PHF14: variants seen among roughly 807,000 people sequenced by gnomAD.
PHF14 encodes PHD finger protein 14.
PHF14 carries 55 observed loss-of-function variants against 117.9 expected under a neutral mutation model. That is an observed-to-expected ratio of 0.47 (90% CI 0.38 to 0.58). PHF14 has a LOEUF of 0.58. PHF14 is among the 20% of genes least tolerant of loss of function. PHF14 has a pLI of 0.00. For synonymous variants in PHF14, 409 were observed against 368.6 expected (o/e 1.11, Z -1.26); for missense variants, 978 against 1,122.2 (o/e 0.87, Z 1.84).
chr7:11,089,873 C>T (rs949235295), intron 16 of PHF14, among the ~76,000 whole-genome samples: 6 of 149,680 alleles, frequency 4.0e-5, no homozygotes, highest in Admixed American at 6.8e-5. Flanking sequence ...TGGCTTCAAG[C>T]GATTCTCCTG....
rs1302523526 is a variant in PHF14, at chr7:11,130,080, CAG to C, written c.2772+18616_2772+18617del. 1.2e-4 allele frequency among the ~76,000 whole-genome samples: 18 copies of C among 151,280 alleles called. 1 individual carries two copies. In the East Asian group the frequency reaches 3.5e-3, roughly 29 times the overall value. On this transcript the variant is annotated intron_variant, in intron 17 of 17. Coordinates refer to ENST00000634607, the MANE Select transcript of PHF14 (RefSeq NM_001007157.2). This position sits in a 1 kb window ranked among gnomAD's most constrained non-coding sequence, Gnocchi z 4.2. ...CATGTAACGTATCAGTACAGGTTGA[CAG>C]AGCAGCTCTGCTCATTATAGTCACT...
At chr7:11,133,249 T>C (rs908313923) in intron 17 of PHF14, among the ~76,000 whole-genome samples, 13 of 151,766 alleles carry the variant, frequency 8.6e-5, no homozygotes, top group African/African-American at 2.9e-4. Flanking sequence ...ATAGCCAACA[T>C]AATATTAAAG....
chr7:11,105,838 G>A, intron 16 of PHF14: 1 of 984,562 alleles, frequency 1.0e-6, no homozygotes, highest in Non-Finnish European at 1.2e-6. Flanking sequence ...AATAAAATGA[G>A]ATTGACACCC....
intron 17 of PHF14, among the ~76,000 whole-genome samples, chr7:11,153,939 C>CTGTGTGTGTGTGTGTGTGTGTG (rs975709011): frequency 4.5e-4 from 63 of 138,530 alleles, no homozygotes; most frequent in African/African-American, 1.7e-3. Context: ...TGGTCCCTGT[C>CTGTGTGTGTGTGTGTGTGTGTG]TGTGTGTGCG....
chr7:10,974,773 C>G lies in PHF14; in HGVS notation c.2-62C>G, dbSNP rs1468996042. ...GGTCATCTTTATGTTCTCTTAGCAC[C>G]ACAACTCTCCCCTGTGTTTGGTGTG... On this transcript the variant is annotated intron_variant, in intron 1 of 17. Coordinates refer to ENST00000634607, the MANE Select transcript of PHF14 (RefSeq NM_001007157.2). 3 of 853,900 alleles carry G rather than the reference C, an allele frequency of 3.5e-6. No individual in the cohort carries two copies. The African/African-American group carries it at 5.2e-5, about 15-fold the overall frequency. 52.9% of individuals were successfully genotyped at this position (853,900 alleles called of 1,614,324 possible). A position where few individuals can be genotyped will look rare whatever the true frequency, so the allele number is the denominator to read the frequency against.
chr7:11,124,738 A>T (rs754398719), intron 17 of PHF14, among the ~76,000 whole-genome samples: 4 of 152,226 alleles, frequency 2.6e-5, no homozygotes, highest in African/African-American at 9.6e-5. Flanking sequence ...ACTAGATTTT[A>T]TATATTAAAA....
chr7:11,088,736 C>T (rs965938023), intron 16 of PHF14, among the ~76,000 whole-genome samples: 11 of 151,700 alleles, frequency 7.3e-5, no homozygotes, highest in Admixed American at 2.0e-4. Context: ...TTATTCCCAC[C>T]GTAAATATAT....
intron 5 of PHF14, among the ~76,000 whole-genome samples, chr7:11,020,493 C>T (rs1411595849): frequency 1.3e-5 from 2 of 152,108 alleles, no homozygotes; most frequent in African/African-American, 2.4e-5. Flanking sequence ...GTCCTCCTAC[C>T]TCAGCCTCCC....
chr7:11,076,008 G>A (rs763062575), intron 16 of PHF14, among the ~76,000 whole-genome samples: 12 of 152,076 alleles, frequency 7.9e-5, no homozygotes, highest in Non-Finnish European at 1.6e-4. Flanking sequence ...GCATGGTGGC[G>A]GGCGCCTGTA....
chr7:11,132,301 GA>G (rs1236179329), intron 17 of PHF14, among the ~76,000 whole-genome samples: 3 of 113,700 alleles, frequency 2.6e-5, no homozygotes, highest in Non-Finnish European at 5.3e-5. Context: ...GTATAATTGA[GA>G]TTTTTTTTTT....
At chr7:11,111,653 TAA>T (rs1395295869) in intron 17 of PHF14, among the ~76,000 whole-genome samples, 186 bp downstream of exon 17, 1 of 152,168 alleles carries the variant, frequency 6.6e-6, no homozygotes, top group Non-Finnish European at 1.5e-5. Flanking sequence ...ACAACTCTAC[TAA>T]ATTATGTGAA....
intron 5 of PHF14, among the ~76,000 whole-genome samples, chr7:11,017,851 T>A (rs1170823121): frequency 6.6e-6 from 1 of 152,162 alleles, no homozygotes; most frequent in African/African-American, 2.4e-5. Context: ...CAGAGCAATG[T>A]CCTGGATTCC....
chr7:11,046,456 TGAAAA>T (rs1234062616), intron 13 of PHF14, among the ~76,000 whole-genome samples: 16 of 152,310 alleles, frequency 1.1e-4, no homozygotes, highest in African/African-American at 3.6e-4. Context: ...TATTTTATGA[TGAAAA>T]GAAAACTCAA....
rs1787139033 is a variant in PHF14 at position 11,102,872 on chromosome 7, T to G, written c.2655-8478T>G. The G allele has an allele frequency of 7.9e-6, 9 of 1,141,362 alleles. No homozygotes were observed. The South Asian group carries it at 2.1e-4, about 26-fold the overall frequency. 70.7% of individuals were successfully genotyped at this position (1,141,362 alleles called of 1,614,324 possible). ...TTAAGTAATGTCTTTCCCTCTTGCT[T>G]CTTTGGCAAATGTTGATACACAGTG... is the stretch of plus-strand genomic sequence containing the variant. On this transcript the variant is annotated intron_variant, in intron 16 of 17. Transcript: ENST00000634607.
At chr7:11,167,103 T>C (rs1789224834) in intron 17 of PHF14, among the ~76,000 whole-genome samples, 1 of 152,206 alleles carries the variant, frequency 6.6e-6, no homozygotes, top group African/African-American at 2.4e-5. Context: ...AGTATATAAG[T>C]ACCTCCTAGT....
chr7:11,006,479 C>T (rs1481387736), intron 4 of PHF14: 1 of 543,804 alleles, frequency 1.8e-6, no homozygotes, highest in Non-Finnish European at 3.6e-6. Flanking sequence ...TTTTCTCCAT[C>T]AGGCCGAATT....
Position 10,982,881 on chromosome 7 carries a change from A to T in PHF14, c.622A>T (p.Ser208Cys). Residue 208 changes from serine (S) to cysteine (C), a missense_variant, in exon 3 of 18, where the codon AGT (serine) becomes TGT (cysteine). Physicochemically the swap from Ser to Cys is moderately radical, Grantham distance 112. This residue lies in a region of PHF14 where 414 missense variants were observed against 376.4 expected (regional missense o/e 1.10). Coordinates refer to ENST00000634607, the MANE Select transcript of PHF14 (RefSeq NM_001007157.2). The part of the protein sequence containing the change: ...EELNDMDDYD[S>C]EDDNDWRPTV... ...GCTGAATGACATGGATGACTATGAC[A>T]GTGAGGATGACAATGATTGGCGACC... 1 of 1,613,778 alleles carries T rather than the reference A, an allele frequency of 6.2e-7. No homozygotes were observed. Among genetic ancestry groups the T allele is most frequent in the Non-Finnish European group, 8.5e-7 (1 of 1,179,744 alleles).
At chr7:11,006,626 G>A in intron 4 of PHF14, 1 of 616,364 alleles carries the variant, frequency 1.6e-6, no homozygotes, top group Non-Finnish European at 3.1e-6. Context: ...CAGACTCAGT[G>A]GTCAGCAGAA....
In PHF14 at chr7:11,035,793, G is replaced by T; in HGVS notation, c.1602+7G>T. On this transcript the variant is annotated splice_region_variant and intron_variant, in intron 8 of 17. Coordinates refer to ENST00000634607, the MANE Select transcript of PHF14 (RefSeq NM_001007157.2). ...ACTATCACCAGAAGCACAGGTATGG[G>T]ATTCATGTCAAAACCCGTATGTTTT... The T allele has an allele frequency of 6.3e-7, 1 of 1,575,842 alleles. No homozygotes were observed. The highest frequency in any genetic ancestry group is 1.2e-5 in the South Asian group (1 of 85,160).
Sources: gnomAD v4.1 joint callset for allele counts (sites outside exome capture counted in the v4.1 genomes callset) on GRCh38, gnomAD v4.1.1 for gene constraint, gnomAD v4.1.1 regional missense constraint, Gnocchi (gnomAD v3.1) non-coding constraint, MANE v1.5 for transcripts, NCBI Gene and HGNC (gene_info 2026-07-23, HGNC 2026-07-21) for gene names.